The following ABCB11 variants were observed in gnomAD, a reference collection of about 807,000 sequenced individuals.
The protein encoded by ABCB11 is ATP binding cassette subfamily B member 11, also known as bile salt export pump.
ABCB11 carries 95 observed loss-of-function variants against 148.0 expected under a neutral mutation model. That is an observed-to-expected ratio of 0.64 (90% CI 0.54 to 0.76). The LOEUF is 0.76. ABCB11 is among the 30% of genes least tolerant of loss of function. The pLI is 0.00. For missense variants in ABCB11, 1,523 were observed against 1,617.8 expected, an observed-to-expected ratio of 0.94 and a Z score of 1.01; for synonymous variants, 591 against 555.4, an observed-to-expected ratio of 1.06 and a Z score of -0.90.
At chr2:168,919,317 C>A (rs1466709518), downstream of ABCB11, among the ~76,000 whole-genome samples, 1 of 151,952 alleles carries the variant, frequency 6.6e-6, no homozygotes, top group Non-Finnish European at 1.5e-5. Context: ...TAAAAATCTC[C>A]AATCTCACTC....
chr2:169,027,334 C>A (rs1695731066), intron 1 of ABCB11, among the ~76,000 whole-genome samples: 2 of 152,174 alleles, frequency 1.3e-5, no homozygotes, highest in South Asian at 4.1e-4. Flanking sequence ...TCTTAATTGT[C>A]CACACCAACT....
At chr2:168,916,745 G>A (rs1690948557), downstream of ABCB11, among the ~76,000 whole-genome samples, 2 of 152,120 alleles carry the variant, frequency 1.3e-5, no homozygotes, top group South Asian at 4.1e-4. Context: ...TTTTATGATG[G>A]TACACATGTA....
intron 1 of ABCB11, among the ~76,000 whole-genome samples, chr2:169,021,971 A>G (rs915988457): frequency 2.6e-5 from 4 of 152,076 alleles, no homozygotes; most frequent in Non-Finnish European, 5.9e-5. Flanking sequence ...CTAAAAAATT[A>G]AACACTAGTA....
At chr2:168,934,581 G>T (rs1691732575) in intron 23 of ABCB11, among the ~76,000 whole-genome samples, 1 of 152,172 alleles carries the variant, frequency 6.6e-6, no homozygotes, top group African/African-American at 2.4e-5. Context: ...GGAGTCAGTT[G>T]GGAGGAGTCA....
rs932269100 is a variant in ABCB11, at chr2:169,018,166, T to G, written c.-27-14A>C. ...CAGCCAACGACCCTATAAAATAAAA[T>G]AAAAGAATCATTGCAATTATTATCT... is the stretch of plus-strand genomic sequence containing the variant. On this transcript the variant is annotated splice_polypyrimidine_tract_variant and intron_variant, in intron 1 of 27. Coordinates refer to ENST00000650372, the MANE Select transcript of ABCB11 (RefSeq NM_003742.4). 1 of 1,595,638 alleles carries G rather than the reference T, an allele frequency of 6.3e-7. No individual in the cohort carries two copies. The highest frequency in any genetic ancestry group is 1.8e-4 in the Middle Eastern group (1 of 5,672).
chr2:168,926,700 T>C (rs948302010), intron 26 of ABCB11, among the ~76,000 whole-genome samples: 23 of 152,178 alleles, frequency 1.5e-4, no homozygotes, highest in Non-Finnish European at 2.5e-4. Flanking sequence ...ATAAATTGCA[T>C]ATCCTTTGAC....
intron 5 of ABCB11, among the ~76,000 whole-genome samples, chr2:168,999,348 CATATCTTGCAA>C (rs2106021353): frequency 6.6e-6 from 1 of 151,764 alleles, no homozygotes; most frequent in South Asian, 2.1e-4. Context: ...TTACTAAAGC[CATATCTTGCAA>C]ATATCTTGCA....
downstream of ABCB11, among the ~76,000 whole-genome samples, chr2:168,918,361 G>A (rs1219200856): frequency 1.3e-5 from 2 of 152,152 alleles, no homozygotes; most frequent in Non-Finnish European, 2.9e-5. Context: ...GTCACACAGA[G>A]GACAAATGGC....
In ABCB11 at chr2:168,968,608, C is replaced by G. The variant is rs143110906; in HGVS notation, c.2012-118G>C. The stretch of plus-strand genomic sequence containing the variant: ...TTACTATGTCAAATGCCAAAACATT[C>G]TGTTAACTTTATTGCAATAAATAAA... On this transcript the variant is annotated intron_variant, in intron 16 of 27. Transcript: ENST00000650372. 3.1e-3 allele frequency: 2,570 copies of G among 820,428 alleles called. 7 individuals are homozygous for G. Among genetic ancestry groups the G allele is most frequent in the Non-Finnish European group, 4.3e-3 (2,343 of 547,110 alleles). The allele number at this position is 820,428 out of a possible 1,614,324, so 50.8% of individuals were successfully genotyped here. A position where few individuals can be genotyped will look rare whatever the true frequency, so the allele number is the denominator to read the frequency against.
chr2:169,003,343 T>C (rs1694931360), intron 5 of ABCB11, among the ~76,000 whole-genome samples: 1 of 149,262 alleles, frequency 6.7e-6, no homozygotes, highest in South Asian at 2.1e-4. Context: ...TGTGTGTGTG[T>C]GTGTGCATAT....
chr2:168,998,619 G>A (rs1254945662), intron 5 of ABCB11, among the ~76,000 whole-genome samples: 3 of 152,018 alleles, frequency 2.0e-5, no homozygotes, highest in Non-Finnish European at 4.4e-5. Context: ...TAAATTTCCT[G>A]TGGTGTCTTT....
chr2:168,976,496 A>G, intron 12 of ABCB11, 81 bp downstream of exon 12: 1 of 818,702 alleles, frequency 1.2e-6, no homozygotes, highest in Non-Finnish European at 1.9e-6. Context: ...CAGGCTTCAG[A>G]AAATGAGCAA....
intron 1 of ABCB11, among the ~76,000 whole-genome samples, chr2:169,020,106 A>G (rs1695491181): frequency 6.6e-6 from 1 of 152,222 alleles, no homozygotes; most frequent in Admixed American, 6.5e-5. Context: ...AACTCTACAC[A>G]GTATGTAGAT....
chr2:169,015,762 C>T (rs1436034631), intron 3 of ABCB11, among the ~76,000 whole-genome samples: 1 of 152,120 alleles, frequency 6.6e-6, no homozygotes, highest in African/African-American at 2.4e-5. Context: ...CCATGCTATA[C>T]ATTTGATTTA....
At chr2:168,982,344 C>T (rs1008473341) in intron 10 of ABCB11, among the ~76,000 whole-genome samples, 6 of 152,244 alleles carry the variant, frequency 3.9e-5, no homozygotes, top group African/African-American at 7.2e-5. Context: ...ACACCAATTA[C>T]GGAATGAGAT....
In ABCB11 at chr2:168,923,303, C is replaced by A; in HGVS notation, c.*319G>T. 2.6e-6 allele frequency: 1 copy of A among 388,478 alleles called. No individual in the cohort carries two copies. Among genetic ancestry groups the A allele is most frequent in the Non-Finnish European group, 4.6e-6 (1 of 215,170 alleles). 24.1% of individuals were successfully genotyped at this position (388,478 alleles called of 1,614,324 possible). ...TTACTCCCTGATGTCTCACTAATTC[C>A]CACATATTAATCAGGACTGGCTCCT... is the stretch of plus-strand genomic sequence containing the variant. On this transcript the variant is annotated 3_prime_UTR_variant, in exon 28 of 28. Coordinates refer to ENST00000650372, the MANE Select transcript of ABCB11 (RefSeq NM_003742.4).
At chr2:169,021,458 A>G (rs1695537096) in intron 1 of ABCB11, among the ~76,000 whole-genome samples, 1 of 152,188 alleles carries the variant, frequency 6.6e-6, no homozygotes, top group African/African-American at 2.4e-5. Context: ...AGTACAATCC[A>G]GCTAGAAGAC....
At chr2:168,973,427 G>A (rs962046674) in intron 13 of ABCB11, among the ~76,000 whole-genome samples, 6 of 151,918 alleles carry the variant, frequency 3.9e-5, no homozygotes, top group Admixed American at 2.6e-4. Context: ...ATAATCTTAT[G>A]GAACCACCAT....
Position 169,018,129 on chromosome 2 carries a change from A to C in ABCB11, c.-4T>G, listed in dbSNP as rs1165704089. On this transcript the variant is annotated 5_prime_UTR_variant, in exon 2 of 28. The change creates a new upstream start codon in the 5' untranslated region. Coordinates refer to ENST00000650372, the MANE Select transcript of ABCB11 (RefSeq NM_003742.4). ...GAAGAATTACTGAGTCAGACATGGT[A>C]ATTGCAACCCACAGCCAACGACCCT... The C allele has an allele frequency of 1.2e-6, 2 of 1,613,434 alleles. No individual in the cohort carries two copies. The highest frequency in any genetic ancestry group is 1.7e-6 in the Non-Finnish European group (2 of 1,179,604).
Sources: gnomAD v4.1 joint callset for allele counts (sites outside exome capture counted in the v4.1 genomes callset) on GRCh38, gnomAD v4.1.1 for gene constraint, MANE v1.5 for transcripts, NCBI Gene and HGNC (gene_info 2026-07-23, HGNC 2026-07-21) for gene names.